TNS2: variants seen among roughly 807,000 people sequenced by gnomAD.
The protein encoded by TNS2 is tensin-2.
TNS2 carries 77 observed loss-of-function variants against 155.7 expected under a neutral mutation model. That is an observed-to-expected ratio of 0.49 (90% CI 0.41 to 0.60). The LOEUF is 0.60. Ranked by LOEUF, TNS2 falls within the 20% of genes least tolerant of loss-of-function variation. The probability of loss-of-function intolerance (pLI) is 0.00; values close to 1 mark genes in which losing one functional copy is unlikely to be tolerated. For missense variants in TNS2, 1,703 were observed against 1,868.8 expected, an observed-to-expected ratio of 0.91 and a Z score of 1.64; for synonymous variants, 726 against 763.9, an observed-to-expected ratio of 0.95 and a Z score of 0.82.
chr12:53,062,038 C>A, intron 22 of TNS2, 98 bp downstream of exon 22: 1 of 1,610,992 alleles, frequency 6.2e-7, no homozygotes, highest in South Asian at 1.1e-5. Context: ...CTGGCCATGC[C>A]GCTGTAGAGG....
chr12:53,052,900 T>C (rs1270299856), intron 3 of TNS2, among the ~76,000 whole-genome samples: 1 of 152,046 alleles, frequency 6.6e-6, no homozygotes, highest in East Asian at 1.9e-4. Flanking sequence ...TGGGCGGGTC[T>C]TGTCCTGGGC....
Position 53,058,115 on chromosome 12 carries a change from C to T in TNS2, c.1095+13C>T, listed in dbSNP as rs749572044. ...AGGCGATGTCATGGTGAGGGGGGTC[C>T]TGTCAACAAGAAGAATCCTGGAGAT... is the stretch of plus-strand genomic sequence containing the variant. On this transcript the variant is annotated intron_variant, in intron 14 of 28. Coordinates refer to ENST00000314250, the MANE Select transcript of TNS2 (RefSeq NM_170754.4). 6.2e-7 allele frequency: 1 copy of T among 1,614,170 alleles called. No individual in the cohort carries two copies. Among genetic ancestry groups the T allele is most frequent in the Non-Finnish European group, 8.5e-7 (1 of 1,180,014 alleles).
Position 53,059,978 on chromosome 12 carries a change from G to T in TNS2, c.2337G>T (p.Gly779=), listed in dbSNP as rs762613811. The change falls in exon 18 of 29, where the codon GGG becomes GGT. Residue 779 remains glycine (G), a synonymous_variant. Transcript: ENST00000314250. This position sits in a 1 kb window ranked among gnomAD's most constrained non-coding sequence, Gnocchi z 4.7. ...CCATGTGCCCCGAAGGCAGGTATGGGCATCCAGGGTACCCTGCCCTGGTGA... is the reference window on the plus strand; with the variant it reads ...CCATGTGCCCCGAAGGCAGGTATGGTCATCCAGGGTACCCTGCCCTGGTGA... ...SYTMCPEGRY[G]HPGYPALVTY... 1.9e-6 allele frequency: 3 copies of T among 1,613,144 alleles called. No individual in the cohort carries two copies. Among genetic ancestry groups the T allele is most frequent in the Middle Eastern group, 1.7e-4 (1 of 6,054 alleles).
In TNS2 at chr12:53,052,441, C is replaced by T. The variant is rs759650427; in HGVS notation, c.185-14C>T. 3.7e-6 allele frequency: 6 copies of T among 1,613,910 alleles called. No homozygotes were observed. The highest frequency in any genetic ancestry group is 5.1e-6 in the Non-Finnish European group (6 of 1,179,950). ...GGCCCCTGCTAACCCCTCTCCTCCCCTTACCTTCCCTAGTCTGCAAGGTGG... is the reference window on the plus strand; with the variant it reads ...GGCCCCTGCTAACCCCTCTCCTCCCTTTACCTTCCCTAGTCTGCAAGGTGG... On this transcript the variant is annotated splice_polypyrimidine_tract_variant and intron_variant, in intron 2 of 28. Coordinates refer to ENST00000314250, the MANE Select transcript of TNS2 (RefSeq NM_170754.4).
upstream of TNS2, chr12:53,049,336 G>A (rs1943840479): frequency 1.3e-5 from 14 of 1,091,864 alleles, no homozygotes; most frequent in Admixed American, 2.5e-5. Context: ...AGAGGGCTAG[G>A]GATCTGTGAG....
chr12:53,058,028 C>T lies in TNS2; in HGVS notation c.1021C>T (p.His341Tyr). ...MQLVYTSGVY[H>Y]IAGPGPQQLC... ...CTGCCTTCTCCTCTCTCCCCACAGT[C>T]ACATTGCAGGCCCTGGTCCCCAGCA... Residue 341 changes from histidine to tyrosine, a missense_variant and splice_region_variant, in exon 14 of 29, where the codon CAC (histidine) becomes TAC (tyrosine). His to Tyr is a moderately conservative substitution (Grantham distance 83, BLOSUM62 2). Coordinates refer to ENST00000314250, the MANE Select transcript of TNS2 (RefSeq NM_170754.4). 6.2e-7 allele frequency: 1 copy of T among 1,614,136 alleles called. No individual in the cohort carries two copies. The highest frequency in any genetic ancestry group is 8.5e-7 in the Non-Finnish European group (1 of 1,180,026).
intron 10 of TNS2, 125 bp from the exon 11 acceptor site, chr12:53,056,888 C>T (rs1944178862): frequency 3.5e-6 from 3 of 859,312 alleles, no homozygotes; most frequent in African/African-American, 3.4e-5. Flanking sequence ...ATTCTCATTA[C>T]CACTACTCTG....
rs1944468323 is a variant in TNS2 at position 53,063,964 on chromosome 12, C to A, written c.*82C>A. 6 of 1,471,212 alleles carry A rather than the reference C, an allele frequency of 4.1e-6. No individual in the cohort carries two copies. In the African/African-American group the frequency reaches 4.2e-5, roughly 10 times the overall value. 91.1% of individuals were successfully genotyped at this position (1,471,212 alleles called of 1,614,324 possible). A position where few individuals can be genotyped will look rare whatever the true frequency, so the allele number is the denominator to read the frequency against. On this transcript the variant is annotated 3_prime_UTR_variant, in exon 29 of 29. Transcript: ENST00000314250. This position sits in a 1 kb window ranked among gnomAD's most constrained non-coding sequence, Gnocchi z 5.6. Reference sequence around the variant, plus strand: ...AGCCCTCACATCCCCTGGCCTGGACCCAGGAGACCCAGGAGAAAGCACCCT... The same window carrying A: ...AGCCCTCACATCCCCTGGCCTGGACACAGGAGACCCAGGAGAAAGCACCCT...
Position 53,063,190 on chromosome 12 carries a change from C to A in TNS2, c.3925C>A (p.Pro1309Thr). Residue 1309 changes from proline (P) to threonine (T), a missense_variant, in exon 26 of 29, where the codon CCG becomes ACG. Transcript: ENST00000314250. This position sits in a 1 kb window ranked among gnomAD's most constrained non-coding sequence, Gnocchi z 5.6. ...TGCAGCTCTGAGCTGTAGCCCCCGC[C>A]CGACACCAGCTGTTGTCCACTTCAA... ...SSAALSCSPR[P>T]TPAVVHFKVS... 1 of 1,612,596 alleles carries A rather than the reference C, an allele frequency of 6.2e-7. No individual in the cohort carries two copies. Among genetic ancestry groups the A allele is most frequent in the South Asian group, 1.1e-5 (1 of 90,920 alleles).
upstream of TNS2, chr12:53,049,382 G>C (rs1410607015): frequency 2.8e-6 from 2 of 718,472 alleles, no homozygotes; most frequent in Non-Finnish European, 4.5e-6. Context: ...ATGGGTGAGT[G>C]GGGGGCACTG....
chr12:53,062,081 A>G (rs185850183), intron 22 of TNS2, 72 bp from the exon 23 acceptor site: 15 of 1,611,742 alleles, frequency 9.3e-6, no homozygotes, highest in African/African-American at 1.3e-5. Flanking sequence ...GCTGCTCGGG[A>G]AAGAATCCCA....
chr12:53,062,956 G>T (rs984533559), intron 25 of TNS2, 133 bp from the exon 26 acceptor site: 9 of 1,229,572 alleles, frequency 7.3e-6, no homozygotes, highest in Non-Finnish European at 8.9e-6. Flanking sequence ...TAGAGTCATG[G>T]AATCTGCCTT....
rs770740056 is a variant in TNS2, at chr12:53,061,070, C to T, written c.3164C>T (p.Pro1055Leu). 1.2e-6 allele frequency: 2 copies of T among 1,612,702 alleles called. No individual in the cohort carries two copies. Among genetic ancestry groups the T allele is most frequent in the East Asian group, 4.5e-5 (2 of 44,882 alleles). Residue 1055 changes from proline (P) to leucine (L), a missense_variant, in exon 20 of 29, where the codon CCT (proline) becomes CTT (leucine). Coordinates refer to ENST00000314250, the MANE Select transcript of TNS2 (RefSeq NM_170754.4). ...GAGCCGCCTCAGAGCTCACCTACAC[C>T]TGCTTTCCCCCTGGCTGCCTCCTAT... ...SPEPPQSSPT[P>L]AFPLAASYDT...
At chr12:53,052,187 C>T (rs1429438407) in intron 2 of TNS2, 2 of 606,340 alleles carry the variant, frequency 3.3e-6, no homozygotes, top group African/African-American at 1.9e-5. Context: ...ACCTTCCCAT[C>T]CTGACTTGTG....
At chr12:53,061,313 CCTGGGATGTAG>C in intron 20 of TNS2, 49 bp downstream of exon 20, 1 of 1,610,470 alleles carries the variant, frequency 6.2e-7, no homozygotes, top group Non-Finnish European at 8.5e-7. Flanking sequence ...AACCCTTTCT[CCTGGGATGTAG>C]CATGGATGGG....
Position 53,050,150 on chromosome 12 carries a change from A to T in TNS2, c.-36A>T, listed in dbSNP as rs1354902317. ...CCCGGGCCAGGCCCCAGCATTGTTC[A>T]GGCCCTGGGGCCAGCACCCCAGCCA... On this transcript the variant is annotated 5_prime_UTR_variant, in exon 1 of 29. Coordinates refer to ENST00000314250, the MANE Select transcript of TNS2 (RefSeq NM_170754.4). This position sits in a 1 kb window ranked among gnomAD's most constrained non-coding sequence, Gnocchi z 4.7. 4 of 1,600,404 alleles carry T rather than the reference A, an allele frequency of 2.5e-6. No individual in the cohort carries two copies. The South Asian group carries it at 4.5e-5, about 18-fold the overall frequency.
In TNS2 at chr12:53,062,446, C is replaced by T. The variant is rs1409760164; in HGVS notation, c.3738C>T (p.Pro1246=). 2 of 1,613,880 alleles carry T rather than the reference C, an allele frequency of 1.2e-6. No homozygotes were observed. The highest frequency in any genetic ancestry group is 1.3e-5 in the African/African-American group (1 of 75,024). The change falls in exon 24 of 29, where the codon CCC becomes CCT. Residue 1246 remains proline (P), a synonymous_variant. Transcript: ENST00000314250. ...PISLPCCLRI[P]SKDPLEETPE... is the part of the protein sequence containing the mutation. ...CCCTGCCCTGCTGCCTGCGCATTCC[C>T]AGCAAAGGTGAGTGTCTGGTCATCT...
chr12:53,055,591 G>C lies in TNS2; in HGVS notation c.597G>C (p.Glu199Asp). The C allele has an allele frequency of 6.2e-7, 1 of 1,610,688 alleles. No homozygotes were observed. Among genetic ancestry groups the C allele is most frequent in the Non-Finnish European group, 8.5e-7 (1 of 1,177,368 alleles). The change falls in exon 9 of 29, where the codon GAG (glutamate) becomes GAC (aspartate). Residue 199 changes from glutamate (E) to aspartate (D), a missense_variant. Coordinates refer to ENST00000314250, the MANE Select transcript of TNS2 (RefSeq NM_170754.4). ...AGGTTCAAGACTTCGGCTGGCCTGA[G>C]CTGCATGCTCCACCCCTGGACAAGC... ...NPKVQDFGWP[E>D]LHAPPLDKLC...
intron 7 of TNS2, 118 bp from the exon 8 acceptor site, chr12:53,055,068 G>A (rs1944097533): frequency 8.2e-7 from 1 of 1,214,010 alleles, no homozygotes; most frequent in Non-Finnish European, 1.2e-6. Flanking sequence ...ATAGGCGTGA[G>A]TTACTGCGAC....
Sources: gnomAD v4.1 joint callset for allele counts (sites outside exome capture counted in the v4.1 genomes callset) on GRCh38, gnomAD v4.1.1 for gene constraint, Gnocchi (gnomAD v3.1) non-coding constraint, MANE v1.5 for transcripts, NCBI Gene and HGNC (gene_info 2026-07-23, HGNC 2026-07-21) for gene names.